Variants in GRM5 observed in about 807,000 individuals in gnomAD.
The protein encoded by GRM5 is metabotropic glutamate receptor 5.
In GRM5, 19 loss-of-function variants were observed where a neutral mutation model predicts 83.1. The observed-to-expected ratio is 0.23, with a 90% CI of 0.16 to 0.34. The LOEUF (loss-of-function observed/expected upper bound fraction) is 0.34. GRM5 is among the 10% of genes least tolerant of loss of function. GRM5 has a pLI of 1.00. For missense variants in GRM5, 1,160 were observed against 1,588.3 expected (o/e 0.73, Z 4.58); for synonymous variants, 675 against 633.6 (o/e 1.07, Z -0.98).
At chr11:89,001,515 G>C (rs1565329899) in intron 2 of GRM5, among the ~76,000 whole-genome samples, 1 of 152,118 alleles carries the variant, frequency 6.6e-6, no homozygotes, top group South Asian at 2.1e-4. Flanking sequence ...TATAGGAATG[G>C]AGAACAGGTT....
At chr11:88,850,323 C>T (rs1167010167) in intron 2 of GRM5, among the ~76,000 whole-genome samples, 168 bp from the exon 3 acceptor site, 2 of 152,194 alleles carry the variant, frequency 1.3e-5, no homozygotes, top group East Asian at 3.9e-4. Context: ...TTATTTTGGG[C>T]AAATTACAAT....
intron 2 of GRM5, among the ~76,000 whole-genome samples, chr11:88,884,911 C>G (rs1945016894): frequency 6.6e-6 from 1 of 152,096 alleles, no homozygotes; most frequent in African/African-American, 2.4e-5. Context: ...TTATAAATTA[C>G]CCAGTCTTGG....
rs551599864 is a variant in GRM5 at position 88,970,538 on chromosome 11, A to G, written c.661+76674T>C. Among the ~76,000 whole-genome samples, 9 of 152,322 alleles carry G rather than the reference A, an allele frequency of 5.9e-5. No homozygotes were observed. In the South Asian group the frequency reaches 1.9e-3, roughly 32 times the overall value. On this transcript the variant is annotated intron_variant, in intron 2 of 9. Coordinates refer to ENST00000305447, the MANE Select transcript of GRM5 (RefSeq NM_001143831.3). ...GCCTTACTCTGTACATAGGAAGAAG[A>G]AACATTGATTTATCTTGGACAGCTA...
chr11:88,625,640 G>C (rs1259592308), intron 4 of GRM5, among the ~76,000 whole-genome samples: 1 of 152,062 alleles, frequency 6.6e-6, no homozygotes, highest in African/African-American at 2.4e-5. Context: ...AGAAAGGGAG[G>C]GGGGCAAGGG....
chr11:88,531,966 C>A (rs942102777), intron 8 of GRM5, among the ~76,000 whole-genome samples: 1 of 151,908 alleles, frequency 6.6e-6, no homozygotes, highest in African/African-American at 2.4e-5. Flanking sequence ...TAGTGAAAAC[C>A]ACAGGGAGAT....
At chr11:88,701,349 T>A (rs1993840) in intron 3 of GRM5, among the ~76,000 whole-genome samples, 18,740 of 152,120 alleles carry the variant, frequency 0.12, 1,524 homozygotes, top group Middle Eastern at 0.19. Context: ...GACATGGTGA[T>A]CAGGAAGTCA....
chr11:88,620,726 A>G (rs1591387839), intron 4 of GRM5, among the ~76,000 whole-genome samples: 1 of 152,290 alleles, frequency 6.6e-6, no homozygotes, highest in East Asian at 1.9e-4. Context: ...TATGCCTAAC[A>G]CTATACTGCC....
At chr11:88,832,341 G>A (rs1944010939) in intron 3 of GRM5, among the ~76,000 whole-genome samples, 1 of 151,944 alleles carries the variant, frequency 6.6e-6, no homozygotes, top group Non-Finnish European at 1.5e-5. Flanking sequence ...AACTGGCTGA[G>A]GAGAAAATAA....
intron 8 of GRM5, among the ~76,000 whole-genome samples, chr11:88,549,130 A>T (rs1281824305): frequency 6.6e-6 from 1 of 152,184 alleles, no homozygotes; most frequent in African/African-American, 2.4e-5. Context: ...AGAAAGGGAG[A>T]TAAATTCAGG....
chr11:88,883,303 C>T (rs924034580), intron 2 of GRM5, among the ~76,000 whole-genome samples: 5 of 152,156 alleles, frequency 3.3e-5, no homozygotes, highest in African/African-American at 1.2e-4. Context: ...GACCAAAATG[C>T]TGATCATGAT....
intron 3 of GRM5, among the ~76,000 whole-genome samples, chr11:88,832,530 A>C (rs1944014413): frequency 6.6e-6 from 1 of 152,182 alleles, no homozygotes; most frequent in African/African-American, 2.4e-5. Flanking sequence ...TGTTACAATG[A>C]CCATACTGCT....
chr11:88,989,966 G>A (rs910095219), intron 2 of GRM5, among the ~76,000 whole-genome samples: 9 of 151,464 alleles, frequency 5.9e-5, no homozygotes, highest in Non-Finnish European at 1.0e-4. Context: ...AAAAGCAAGA[G>A]CAAACACATT....
intron 3 of GRM5, among the ~76,000 whole-genome samples, chr11:88,779,684 GCTC>G (rs1942935517): frequency 2.0e-5 from 3 of 152,084 alleles, no homozygotes; most frequent in African/African-American, 7.2e-5. Flanking sequence ...TGGAGCTGCT[GCTC>G]CTCCTCCTAA....
intron 2 of GRM5, among the ~76,000 whole-genome samples, chr11:88,941,017 A>G (rs970833172): frequency 6.6e-6 from 1 of 151,958 alleles, no homozygotes; most frequent in African/African-American, 2.4e-5. Context: ...AAGCACAATG[A>G]AACAACCAAG....
intron 3 of GRM5, among the ~76,000 whole-genome samples, chr11:88,653,974 C>A (rs2135307691): frequency 6.6e-6 from 1 of 152,166 alleles, no homozygotes; most frequent in East Asian, 1.9e-4. Flanking sequence ...AAGCCTCGAA[C>A]TGAAATCTTT....
intron 3 of GRM5, among the ~76,000 whole-genome samples, chr11:88,785,107 G>A (rs1388952227): frequency 2.0e-5 from 3 of 152,036 alleles, no homozygotes; most frequent in Non-Finnish European, 1.5e-5. Context: ...TATTCCAAAT[G>A]TATTCTGCAG....
At chr11:88,881,799 T>C (rs1326349602) in intron 2 of GRM5, among the ~76,000 whole-genome samples, 1 of 152,198 alleles carries the variant, frequency 6.6e-6, no homozygotes, top group Non-Finnish European at 1.5e-5. Flanking sequence ...CTTATTGTTC[T>C]GTGAAAATTA....
chr11:89,030,730 T>G (rs542990649), intron 2 of GRM5, among the ~76,000 whole-genome samples: 45 of 152,164 alleles, frequency 3.0e-4, no homozygotes, highest in African/African-American at 1.1e-3. Context: ...AAATTGAGAA[T>G]CTTAGGAACA....
At chr11:88,657,448 C>T (rs1671782869) in intron 3 of GRM5, among the ~76,000 whole-genome samples, 1 of 152,146 alleles carries the variant, frequency 6.6e-6, no homozygotes, top group African/African-American at 2.4e-5. Flanking sequence ...ATTCTTTATA[C>T]ATATGTACTG....
Sources: allele counts gnomAD v4.1 joint callset (sites outside exome capture counted in the v4.1 genomes callset), GRCh38; gene constraint gnomAD v4.1.1; transcripts MANE v1.5; gene names NCBI Gene and HGNC (gene_info 2026-07-23, HGNC 2026-07-21).